Variants in RCOR1 observed in about 807,000 individuals in gnomAD.
The protein encoded by RCOR1 is REST corepressor 1.
Under a neutral mutation model 64.0 loss-of-function variants are expected in RCOR1, and 12 were observed. The ratio of observed to expected loss-of-function variants is 0.19; its 90% CI spans 0.12 to 0.30. The LOEUF (loss-of-function observed/expected upper bound fraction) is 0.30, where lower values mean the gene tolerates loss of function less well. Among genes scored for constraint, RCOR1 ranks in the 10% least tolerant of loss-of-function variants. The pLI, the probability that RCOR1 is intolerant of heterozygous loss-of-function variation, is 1.00. For synonymous variants in RCOR1, 279 were observed against 227.2 expected (o/e 1.23, Z -2.05); for missense variants, 502 against 621.2 (o/e 0.81, Z 2.04).
At chr14:102,657,556 G>C in intron 2 of RCOR1, 1 of 982,840 alleles carries the variant, frequency 1.0e-6, no homozygotes, top group South Asian at 4.7e-5. Flanking sequence ...ATGATTGACT[G>C]ACTGGGTGCA....
intron 2 of RCOR1, chr14:102,659,240 G>A: frequency 1.0e-6 from 1 of 985,180 alleles, no homozygotes; most frequent in South Asian, 4.7e-5. Context: ...ATGAACAAGT[G>A]GAGTTTTGTT....
intron 3 of RCOR1, among the ~76,000 whole-genome samples, chr14:102,683,743 C>T (rs992089069): frequency 1.3e-5 from 2 of 152,232 alleles, no homozygotes; most frequent in Admixed American, 6.5e-5. Flanking sequence ...GGAGATGTCC[C>T]TTGATCTCCG....
rs776105969 is a variant in RCOR1, at chr14:102,707,501, A to G, written c.649A>G (p.Ile217Val). 6.2e-7 allele frequency: 1 copy of G among 1,604,500 alleles called. No individual in the cohort carries two copies. The highest frequency in any genetic ancestry group is 2.2e-5 in the East Asian group (1 of 44,750). ...FSFHGKTFHR[I>V]QQMLPDKSIA... The stretch of plus-strand genomic sequence containing the variant: ...TTTTCATGGGAAAACTTTTCATAGA[A>G]TCCAACAAATGGTAAGTAGATGAGA... Residue 217 changes from isoleucine to valine, a missense_variant, in exon 5 of 12, where the codon ATC (isoleucine) becomes GTC (valine). Physicochemically the swap from Ile to Val is conservative, Grantham distance 29. Coordinates refer to ENST00000262241, the MANE Select transcript of RCOR1 (RefSeq NM_015156.4).
chr14:102,668,636 A>C (rs1395609670), intron 2 of RCOR1, among the ~76,000 whole-genome samples: 1 of 151,576 alleles, frequency 6.6e-6, no homozygotes, highest in Non-Finnish European at 1.5e-5. Flanking sequence ...CCTTTTTTGC[A>C]GGGGGGCGGG....
chr14:102,701,359 G>A (rs1895755631), intron 4 of RCOR1, 29 bp downstream of exon 4: 1 of 1,506,922 alleles, frequency 6.6e-7, no homozygotes, highest in South Asian at 1.3e-5. Flanking sequence ...TTCTTTTGCT[G>A]TTAAAAAATG....
intron 2 of RCOR1, among the ~76,000 whole-genome samples, chr14:102,679,997 A>C (rs1160721315): frequency 2.0e-5 from 3 of 152,218 alleles, no homozygotes; most frequent in Non-Finnish European, 2.9e-5. Context: ...TCTTTAGAGC[A>C]GTTTGGGAAG....
intron 4 of RCOR1, among the ~76,000 whole-genome samples, chr14:102,701,822 A>T (rs1254875425): frequency 2.0e-5 from 3 of 152,144 alleles, no homozygotes; most frequent in Non-Finnish European, 2.9e-5. Context: ...GGGTTCAAGT[A>T]GTTCTCGTAA....
chr14:102,721,404 T>G lies in RCOR1; in HGVS notation c.1189+27T>G, dbSNP rs368473845. ...TAGGGGGAAGTTCTTCTAAAGAGTT[T>G]AGGAGGCCGGCTGTGGTGGCTCACA... is the stretch of plus-strand genomic sequence containing the variant. On this transcript the variant is annotated intron_variant, in intron 10 of 11. Transcript: ENST00000262241. 1.3e-5 allele frequency: 21 copies of G among 1,586,314 alleles called. No homozygotes were observed. The African/African-American group carries it at 2.0e-4, about 15-fold the overall frequency.
chr14:102,649,793 T>TA (rs1894547832), intron 2 of RCOR1: 1 of 984,844 alleles, frequency 1.0e-6, no homozygotes, highest in Non-Finnish European at 1.2e-6. Context: ...TTGTTTACTG[T>TA]AAAAAATCTG....
chr14:102,689,600 A>T (rs1318807143), intron 3 of RCOR1, among the ~76,000 whole-genome samples: 1 of 152,188 alleles, frequency 6.6e-6, no homozygotes. Context: ...AGTTATATAT[A>T]GTAAGTGTTT....
At chr14:102,626,573 G>A (rs939836267) in intron 2 of RCOR1, among the ~76,000 whole-genome samples, 1 of 152,170 alleles carries the variant, frequency 6.6e-6, no homozygotes, top group African/African-American at 2.4e-5. Flanking sequence ...GGTCAGAGTT[G>A]CCTGAAGGAT....
intron 8 of RCOR1, among the ~76,000 whole-genome samples, chr14:102,719,641 C>T (rs888502751): frequency 5.3e-5 from 8 of 152,116 alleles, no homozygotes; most frequent in African/African-American, 9.7e-5. Context: ...ATTTCTGATA[C>T]GGAAAATGCA....
intron 2 of RCOR1, among the ~76,000 whole-genome samples, chr14:102,637,057 T>G (rs1180815480): frequency 6.6e-6 from 1 of 152,146 alleles, no homozygotes; most frequent in Non-Finnish European, 1.5e-5. Flanking sequence ...TTGTAAATGT[T>G]TTTCTTTTGA....
chr14:102,676,581 C>T (rs866405399), intron 2 of RCOR1, among the ~76,000 whole-genome samples: 118 of 79,150 alleles, frequency 1.5e-3, no homozygotes, highest in African/African-American at 6.7e-3. Context: ...TAGGGGCGGC[C>T]GGGCAGAGGC....
chr14:102,695,265 T>C (rs894444514), intron 3 of RCOR1: 15 of 152,354 alleles, frequency 9.8e-5, no homozygotes, highest in African/African-American at 2.9e-4. Flanking sequence ...CACAGTTCTA[T>C]TAACTTCATT....
intron 7 of RCOR1, 58 bp downstream of exon 7, chr14:102,711,071 T>C: frequency 1.8e-6 from 2 of 1,138,962 alleles, no homozygotes; most frequent in Non-Finnish European, 1.3e-6. Context: ...GTTTCATAAA[T>C]AAAACATTCA....
chr14:102,717,888 T>C (rs1896097182), intron 8 of RCOR1, among the ~76,000 whole-genome samples: 2 of 151,922 alleles, frequency 1.3e-5, no homozygotes, highest in Non-Finnish European at 2.9e-5. Context: ...GTGATTTCCT[T>C]TCCACAGCCT....
intron 4 of RCOR1, among the ~76,000 whole-genome samples, chr14:102,705,707 C>T (rs1293076196): frequency 6.6e-6 from 1 of 152,180 alleles, no homozygotes; most frequent in Non-Finnish European, 1.5e-5. Context: ...GATCCTCTCA[C>T]CTCGGCCTCC....
chr14:102,721,188 T>C (rs955371111), intron 9 of RCOR1, 104 bp downstream of exon 9: 13 of 1,048,192 alleles, frequency 1.2e-5, no homozygotes, highest in Admixed American at 1.2e-4. Flanking sequence ...CTTGGAAGAG[T>C]ATATGGACAT....
Sources: allele counts gnomAD v4.1 joint callset (sites outside exome capture counted in the v4.1 genomes callset), GRCh38; gene constraint gnomAD v4.1.1; transcripts MANE v1.5; gene names NCBI Gene and HGNC (gene_info 2026-07-23, HGNC 2026-07-21).